ASIC2: variants seen among roughly 807,000 people sequenced by gnomAD.
ASIC2 encodes the protein acid sensing ion channel subunit 2, also known as acid-sensing ion channel 2.
A neutral mutation model predicts 57.3 loss-of-function variants in ASIC2; 25 were observed. The ratio of observed to expected loss-of-function variants is 0.44; its 90% CI spans 0.32 to 0.61. The LOEUF (loss-of-function observed/expected upper bound fraction) is 0.61, where lower values mean the gene tolerates loss of function less well. Ranked by LOEUF, ASIC2 falls within the 20% of genes least tolerant of loss-of-function variation. The pLI is 0.06. For missense variants in ASIC2, 641 were observed against 738.1 expected (o/e 0.87, Z 1.52); for synonymous variants, 319 against 307.5 (o/e 1.04, Z -0.39).
intron 3 of ASIC2, among the ~76,000 whole-genome samples, chr17:33,055,939 A>G (rs1322278154): frequency 2.0e-5 from 3 of 152,188 alleles, no homozygotes; most frequent in African/African-American, 7.2e-5. Context: ...TTTATAAATC[A>G]CAGAAGCCCT....
chr17:33,414,440 C>CAGTGGG (rs1910769254), intron 1 of ASIC2, among the ~76,000 whole-genome samples: 1 of 152,146 alleles, frequency 6.6e-6, no homozygotes, highest in African/African-American at 2.4e-5. Flanking sequence ...AGGACTGGAG[C>CAGTGGG]AGTGGGAGGA....
intron 1 of ASIC2, among the ~76,000 whole-genome samples, chr17:33,397,749 C>G (rs549862976): frequency 6.6e-6 from 1 of 152,232 alleles, no homozygotes; most frequent in African/African-American, 2.4e-5. Flanking sequence ...AACAAGAAAG[C>G]TCAGGGCATA....
At chr17:33,486,934 C>G (rs1913593537) in intron 1 of ASIC2, among the ~76,000 whole-genome samples, 1 of 152,198 alleles carries the variant, frequency 6.6e-6, no homozygotes, top group Non-Finnish European at 1.5e-5. Flanking sequence ...AGATGCGCAG[C>G]ACCCAACCAC....
intron 1 of ASIC2, among the ~76,000 whole-genome samples, chr17:33,422,137 A>G (rs1160519555): frequency 1.3e-5 from 2 of 152,156 alleles, no homozygotes; most frequent in African/African-American, 4.8e-5. Context: ...TCGCTTCCTG[A>G]GCAGCTGCTT....
upstream of ASIC2, among the ~76,000 whole-genome samples, chr17:33,295,826 G>A (rs554366793): frequency 8.5e-4 from 129 of 152,246 alleles, no homozygotes; most frequent in African/African-American, 2.9e-3. Flanking sequence ...CCAACTCTGC[G>A]GGGGAGGTAT....
At chr17:34,080,619 T>A (rs1283067149) in intron 1 of ASIC2, among the ~76,000 whole-genome samples, 1 of 152,048 alleles carries the variant, frequency 6.6e-6, no homozygotes, top group African/African-American at 2.4e-5. Flanking sequence ...CCCTCTAAAG[T>A]AGGCTAGGTG....
intron 1 of ASIC2, among the ~76,000 whole-genome samples, chr17:33,654,072 C>G (rs149032099): frequency 3.4e-4 from 52 of 152,266 alleles, no homozygotes; most frequent in African/African-American, 1.2e-3. Context: ...CTCAGTGAAC[C>G]TCATTTTTCT....
chr17:33,239,443 T>C (rs1266189830), intron 1 of ASIC2, among the ~76,000 whole-genome samples: 3 of 152,222 alleles, frequency 2.0e-5, no homozygotes, highest in African/African-American at 7.2e-5. Context: ...GTTTCACTTA[T>C]ATATTTGTTT....
intron 1 of ASIC2, among the ~76,000 whole-genome samples, chr17:33,744,414 A>T (rs1372518541): frequency 6.6e-6 from 1 of 152,236 alleles, no homozygotes; most frequent in Non-Finnish European, 1.5e-5. Flanking sequence ...GTAAACAAGC[A>T]TCCAAAGAGA....
intron 1 of ASIC2, among the ~76,000 whole-genome samples, chr17:33,310,326 A>G (rs1468634177): frequency 6.6e-6 from 1 of 152,094 alleles, no homozygotes; most frequent in Non-Finnish European, 1.5e-5. Flanking sequence ...CTCTCCAGGA[A>G]TAGGTCCCTC....
At chr17:33,288,504 T>C (rs1427710274) in intron 1 of ASIC2, among the ~76,000 whole-genome samples, 1 of 152,036 alleles carries the variant, frequency 6.6e-6, no homozygotes, top group African/African-American at 2.4e-5. Flanking sequence ...CAGGTCTTAA[T>C]CTGAGGACAG....
At chr17:33,490,084 C>G (rs1407686948) in intron 1 of ASIC2, among the ~76,000 whole-genome samples, 1 of 152,240 alleles carries the variant, frequency 6.6e-6, no homozygotes, top group Non-Finnish European at 1.5e-5. Context: ...ATCCAGCCTA[C>G]TACCTGTTTC....
intron 1 of ASIC2, among the ~76,000 whole-genome samples, chr17:33,193,229 T>G (rs934515118): frequency 3.3e-4 from 51 of 152,300 alleles, no homozygotes; most frequent in African/African-American, 1.2e-3. Context: ...GATACAACTT[T>G]CCCCAGGATG....
chr17:33,015,026 G>A (rs748178110), intron 9 of ASIC2, among the ~76,000 whole-genome samples: 2 of 152,180 alleles, frequency 1.3e-5, no homozygotes, highest in Non-Finnish European at 2.9e-5. Flanking sequence ...CAGACCGTGG[G>A]CCCCTTCCAC....
chr17:33,771,376 T>C (rs1348532859), intron 1 of ASIC2, among the ~76,000 whole-genome samples: 1 of 152,184 alleles, frequency 6.6e-6, no homozygotes, highest in Non-Finnish European at 1.5e-5. Context: ...CTCACTGCCC[T>C]GCATTCCATG....
chr17:33,940,105 G>A (rs1916152899), intron 1 of ASIC2, among the ~76,000 whole-genome samples: 1 of 152,292 alleles, frequency 6.6e-6, no homozygotes, highest in Admixed American at 6.5e-5. Context: ...CTCTAGGTAA[G>A]CCATTGTCCA....
chr17:33,688,409 G>A (rs928707157), intron 1 of ASIC2, among the ~76,000 whole-genome samples: 1 of 152,104 alleles, frequency 6.6e-6, no homozygotes, highest in Admixed American at 6.5e-5. Context: ...CTAAGAAATA[G>A]TTTCCGACAG....
At chr17:33,682,621 T>C (rs948998724) in intron 1 of ASIC2, among the ~76,000 whole-genome samples, 16 of 152,324 alleles carry the variant, frequency 1.1e-4, no homozygotes, top group African/African-American at 3.8e-4. Context: ...TTTAGCATGA[T>C]TGCAAGAGAA....
At chr17:33,584,066 C>G (rs562723322) in intron 1 of ASIC2, among the ~76,000 whole-genome samples, 6 of 152,232 alleles carry the variant, frequency 3.9e-5, no homozygotes, top group African/African-American at 1.2e-4. Flanking sequence ...GTTCGGAAAT[C>G]CGTTTTCATA....
Sources: gnomAD v4.1 joint callset for allele counts (sites outside exome capture counted in the v4.1 genomes callset) on GRCh38, gnomAD v4.1.1 for gene constraint, MANE v1.5 for transcripts, NCBI Gene and HGNC (gene_info 2026-07-23, HGNC 2026-07-21) for gene names.